Variants in KIF26A observed in about 807,000 individuals in gnomAD.
The protein encoded by KIF26A is kinesin-like protein KIF26A.
Under a neutral mutation model 126.0 loss-of-function variants are expected in KIF26A, and 74 were observed. The observed-to-expected ratio is 0.59, with a 90% CI of 0.49 to 0.71. KIF26A has a LOEUF of 0.71. Among genes scored for constraint, KIF26A ranks in the 30% least tolerant of loss-of-function variants. KIF26A has a pLI of 0.00. For missense variants in KIF26A, 2,984 were observed against 2,763.3 expected (o/e 1.08, Z -1.79); for synonymous variants, 1,445 against 1,232.7 (o/e 1.17, Z -3.61).
At chr14:104,143,600 G>C (rs1487009561) in intron 2 of KIF26A, among the ~76,000 whole-genome samples, 2 of 152,240 alleles carry the variant, frequency 1.3e-5, no homozygotes, top group Non-Finnish European at 2.9e-5. Context: ...GGGGTCCCAG[G>C]TCTGTTGCCC....
intron 4 of KIF26A, among the ~76,000 whole-genome samples, chr14:104,164,300 G>A (rs1445847683): frequency 6.6e-6 from 1 of 152,082 alleles, no homozygotes; most frequent in Non-Finnish European, 1.5e-5. Context: ...AGGGTGGGTC[G>A]GGGGAGCGCC....
intron 5 of KIF26A, among the ~76,000 whole-genome samples, chr14:104,167,828 C>T (rs1368650722): frequency 2.0e-5 from 3 of 152,182 alleles, no homozygotes; most frequent in South Asian, 2.1e-4. Flanking sequence ...AGCCCCCTCC[C>T]GCCCAGCACC....
In KIF26A at chr14:104,148,661, G is replaced by A. The variant is rs1596133451; in HGVS notation, c.289-3354G>A. 2.7e-5 allele frequency among the ~76,000 whole-genome samples: 4 copies of A among 150,448 alleles called. No individual in the cohort carries two copies. Among genetic ancestry groups the A allele is most frequent in the African/African-American group, 9.8e-5 (4 of 40,954 alleles). ...TGGCGGTGGGGGCTGTGCGTGGCCG[G>A]GGAGGGGGAGGGGGAGGGGAGGGGC... is the stretch of plus-strand genomic sequence containing the variant. On this transcript the variant is annotated intron_variant, in intron 2 of 14. Transcript: ENST00000423312. This position sits in a 1 kb window ranked among gnomAD's most constrained non-coding sequence, Gnocchi z 4.3.
At chr14:104,150,176 T>TCATCCC (rs2037714399) in intron 2 of KIF26A, among the ~76,000 whole-genome samples, 1 of 41,046 alleles carries the variant, frequency 2.4e-5, no homozygotes, top group Non-Finnish European at 6.3e-5. Context: ...CCCCTTCTCC[T>TCATCCC]CCTTCCCCTC....
At position 104,152,893 on chromosome 14, in the gene KIF26A, C is replaced by T. The variant is rs1296684086; in HGVS notation, c.735+432C>T. 1.3e-5 allele frequency among the ~76,000 whole-genome samples: 2 copies of T among 152,050 alleles called. No individual in the cohort carries two copies. Among genetic ancestry groups the T allele is most frequent in the African/African-American group, 2.4e-5 (1 of 41,388 alleles). On this transcript the variant is annotated intron_variant, in intron 3 of 14. Transcript: ENST00000423312. The surrounding 1 kb of genome is among the most constrained non-coding windows in gnomAD (Gnocchi z 5.9). ...CGTCCATGGACGTCGGGCGGGGGAC[C>T]GGCAGTTGCAATTGCTGGAGATGCG...
intron 2 of KIF26A, among the ~76,000 whole-genome samples, chr14:104,142,110 T>C (rs1297146846): frequency 6.6e-6 from 1 of 152,050 alleles, no homozygotes; most frequent in Non-Finnish European, 1.5e-5. Flanking sequence ...GTGACCATGG[T>C]CCCCTATCTG....
rs553062895 is a variant in KIF26A at position 104,139,226 on chromosome 14, A to G, written c.226A>G (p.Lys76Glu). The change falls in exon 2 of 15, where the codon AAG becomes GAG. Residue 76 changes from lysine to glutamate, a missense_variant. Physicochemically the swap from Lys to Glu is moderately conservative, Grantham distance 56. Transcript: ENST00000423312. Reference sequence around the variant, plus strand: ...CGGCTGGTGCCGCCACTGCCACACGAAGCTGGTGGAGCTCAAGCGACAGGC... The same window carrying G: ...CGGCTGGTGCCGCCACTGCCACACGGAGCTGGTGGAGCTCAAGCGACAGGC... Reference protein sequence around the residue: ...GGGWCRHCHTKLVELKRQAWK... With the variant: ...GGGWCRHCHTELVELKRQAWK... 1.9e-4 allele frequency: 299 copies of G among 1,556,872 alleles called. No homozygotes were observed. Among genetic ancestry groups the G allele is most frequent in the Non-Finnish European group, 2.5e-4 (288 of 1,152,746 alleles).
chr14:104,140,177 G>C (rs2037624491), intron 2 of KIF26A, among the ~76,000 whole-genome samples: 1 of 152,148 alleles, frequency 6.6e-6, no homozygotes, highest in South Asian at 2.1e-4. Flanking sequence ...CCCTGTCTGG[G>C]GCAGGGCAGG....
At position 104,166,875 on chromosome 14, in the gene KIF26A, A is replaced by G. The variant is rs1223108382; in HGVS notation, c.940A>G (p.Ser314Gly). The G allele has an allele frequency of 2.5e-6, 4 of 1,578,750 alleles. No individual in the cohort carries two copies. The highest frequency in any genetic ancestry group is 8.6e-7 in the Non-Finnish European group (1 of 1,163,476). Residue 314 changes from serine (S) to glycine (G), a missense_variant, in exon 5 of 15, where the codon AGC (serine) becomes GGC (glycine). Transcript: ENST00000423312. ...SFFIRAMQKL[S>G]LASKRKKPHP... ...CCTCCCCAGGGCTATGCAGAAGCTC[A>G]GCCTGGCCTCCAAGAGGAAGAAGCC...
At position 104,157,766 on chromosome 14, in the gene KIF26A, G is replaced by A. The variant is rs199841008; in HGVS notation, c.747G>A (p.Ala249=). 4.9e-4 allele frequency: 787 copies of A among 1,610,762 alleles called. No homozygotes were observed. The highest frequency in any genetic ancestry group is 5.9e-4 in the Non-Finnish European group (700 of 1,179,092). ...CTCCTTCCCTCCAGGCCGAGGCAGC[G>A]GTGGCGGCCGTGGCGGTGGCAGACA... ...FLPPACLAEA[A]VAAVAVADTV... The change falls in exon 4 of 15, where the codon GCG becomes GCA. Residue 249 remains alanine (A), a synonymous_variant. Coordinates refer to ENST00000423312, the MANE Select transcript of KIF26A (RefSeq NM_015656.2).
chr14:104,164,488 A>G (rs1447041538), intron 4 of KIF26A, among the ~76,000 whole-genome samples: 2 of 151,890 alleles, frequency 1.3e-5, no homozygotes, highest in African/African-American at 2.4e-5. Flanking sequence ...GGGTGCCTGC[A>G]GCACAAAATG....
chr14:104,179,405 C>G lies in KIF26A; in HGVS notation c.5467+19C>G. 4 of 1,484,344 alleles carry G rather than the reference C, an allele frequency of 2.7e-6. No homozygotes were observed. Among genetic ancestry groups the G allele is most frequent in the Non-Finnish European group, 3.6e-6 (4 of 1,120,302 alleles). 91.9% of individuals were successfully genotyped at this position (1,484,344 alleles called of 1,614,324 possible). A position where few individuals can be genotyped will look rare whatever the true frequency, so the allele number is the denominator to read the frequency against. ...GAGCAGTGTGAGTCCCGCCCGCCCA[C>G]GGACCCAGCCCGGCCCACCGTGTGC... On this transcript the variant is annotated intron_variant, in intron 14 of 14. Transcript: ENST00000423312.
At chr14:104,150,000 G>A (rs2037711864) in intron 2 of KIF26A, among the ~76,000 whole-genome samples, 1 of 152,284 alleles carries the variant, frequency 6.6e-6, no homozygotes, top group East Asian at 1.9e-4. Context: ...GGCCCTGTCT[G>A]CCCTCAGCCT....
chr14:104,157,995 G>A (rs1386647928), intron 4 of KIF26A, 53 bp downstream of exon 4: 2 of 1,443,940 alleles, frequency 1.4e-6, no homozygotes, highest in East Asian at 5.3e-5. Flanking sequence ...CATGGCCCCG[G>A]CTGTGGGCCC....
Position 104,178,644 on chromosome 14 carries a change from C to T in KIF26A, c.5205C>T (p.Pro1735=), listed in dbSNP as rs763079228. 52 of 1,552,504 alleles carry T rather than the reference C, an allele frequency of 3.3e-5. No homozygotes were observed. Among genetic ancestry groups the T allele is most frequent in the Non-Finnish European group, 4.1e-5 (47 of 1,148,600 alleles). ...TCCCCGGGCAGTGGGTGGACCTGCC[C>T]CCGCCCCTGGCTGGCTCCCTGAAGG... The part of the protein sequence containing the change: ...PSLPGQWVDL[P]PPLAGSLKEP... Residue 1735 remains proline, a synonymous_variant, in exon 13 of 15, where the codon CCC becomes CCT. Transcript: ENST00000423312.
Position 104,179,346 on chromosome 14 carries a change from G to A in KIF26A, c.5427G>A (p.Gln1809=). The A allele has an allele frequency of 1.3e-6, 2 of 1,539,306 alleles. No homozygotes were observed. Among genetic ancestry groups the A allele is most frequent in the Non-Finnish European group, 1.7e-6 (2 of 1,145,926 alleles). ...TGTGTGAGGAGCTGGCCGAGACCCAGGGCCGGCTGATGCTGGAGCCTGGCC... is the reference window on the plus strand; with the variant it reads ...TGTGTGAGGAGCTGGCCGAGACCCAAGGCCGGCTGATGCTGGAGCCTGGCC... ...KHLCEELAET[Q]GRLMLEPGRW... Residue 1809 remains glutamine (Q), a synonymous_variant, in exon 14 of 15, where the codon CAG becomes CAA. Transcript: ENST00000423312.
intron 2 of KIF26A, among the ~76,000 whole-genome samples, chr14:104,149,553 AG>A (rs2037708426): frequency 6.6e-6 from 1 of 150,448 alleles, no homozygotes; most frequent in Non-Finnish European, 1.5e-5. Flanking sequence ...AGGCCTGGAT[AG>A]GGCTGGGGCC....
At chr14:104,159,877 G>T (rs2037817585) in intron 4 of KIF26A, among the ~76,000 whole-genome samples, 1 of 152,102 alleles carries the variant, frequency 6.6e-6, no homozygotes. Context: ...TCAGGGGTGA[G>T]ATCAGAGGGG....
rs368685284 is a variant in KIF26A, at chr14:104,179,691, C to T, written c.5550C>T (p.Cys1850=). The T allele has an allele frequency of 1.5e-5, 24 of 1,549,644 alleles. No individual in the cohort carries two copies. The highest frequency in any genetic ancestry group is 4.9e-5 in the East Asian group (2 of 40,932). The stretch of plus-strand genomic sequence containing the variant: ...GAGCCACGGCGGCCCTGGAGCAGTG[C>T]GTGAACCTGTGCAAGGCGCACGTCA... The part of the protein sequence containing the change: ...LERATAALEQ[C]VNLCKAHVMM... Residue 1850 remains cysteine (C), a synonymous_variant, in exon 15 of 15, where the codon TGC becomes TGT. Coordinates refer to ENST00000423312, the MANE Select transcript of KIF26A (RefSeq NM_015656.2).
Sources: gnomAD v4.1 joint callset for allele counts (sites outside exome capture counted in the v4.1 genomes callset) on GRCh38, gnomAD v4.1.1 for gene constraint, Gnocchi (gnomAD v3.1) non-coding constraint, MANE v1.5 for transcripts, NCBI Gene and HGNC (gene_info 2026-07-23, HGNC 2026-07-21) for gene names.